Variants in DOCK3 observed in about 807,000 individuals in gnomAD.
The protein encoded by DOCK3 is dedicator of cytokinesis protein 3.
In DOCK3, 60 loss-of-function variants were observed where a neutral mutation model predicts 265.6. That is an observed-to-expected ratio of 0.23 (90% confidence interval 0.18 to 0.28). The LOEUF is 0.28. Among genes scored for constraint, DOCK3 ranks in the 10% least tolerant of loss-of-function variants. DOCK3 has a pLI of 1.00. For missense variants in DOCK3, 1,981 were observed against 2,594.3 expected, an observed-to-expected ratio of 0.76 and a Z score of 5.14; for synonymous variants, 881 against 938.0, an observed-to-expected ratio of 0.94 and a Z score of 1.11.
chr3:51,208,045 A>G (rs974340927), intron 12 of DOCK3, among the ~76,000 whole-genome samples: 5 of 152,218 alleles, frequency 3.3e-5, no homozygotes, highest in Admixed American at 3.3e-4. Flanking sequence ...GACCTTTAGA[A>G]GGAAGACACT....
At chr3:51,175,108 G>A (rs1047255139) in intron 12 of DOCK3, among the ~76,000 whole-genome samples, 8 of 152,188 alleles carry the variant, frequency 5.3e-5, no homozygotes, top group Admixed American at 5.2e-4. Flanking sequence ...CCAGACCTCA[G>A]CTGAGTCATG....
chr3:50,895,146 A>G, intron 4 of DOCK3, among the ~76,000 whole-genome samples: 1 of 151,520 alleles, frequency 6.6e-6, no homozygotes, highest in Admixed American at 6.6e-5. Context: ...TAAAAGAGTA[A>G]TCTTAGTTTT....
intron 1 of DOCK3, among the ~76,000 whole-genome samples, chr3:50,680,277 T>A (rs2034301091): frequency 6.6e-6 from 1 of 150,936 alleles, no homozygotes; most frequent in Admixed American, 6.6e-5. Flanking sequence ...AATGGGGTGA[T>A]CTCGGCTCAC....
chr3:51,140,692 A>G (rs1410702077), intron 9 of DOCK3, among the ~76,000 whole-genome samples: 3 of 152,150 alleles, frequency 2.0e-5, no homozygotes, highest in Non-Finnish European at 4.4e-5. Context: ...CCAAAGTGGC[A>G]GTACCATTTT....
intron 12 of DOCK3, among the ~76,000 whole-genome samples, chr3:51,175,911 A>G (rs970943936): frequency 2.6e-5 from 4 of 152,172 alleles, no homozygotes; most frequent in Non-Finnish European, 5.9e-5. Context: ...CAGGACCATT[A>G]TCTGCCATGT....
intron 10 of DOCK3, among the ~76,000 whole-genome samples, chr3:51,154,040 A>C (rs2085734670): frequency 6.6e-6 from 1 of 152,220 alleles, no homozygotes; most frequent in Non-Finnish European, 1.5e-5. Flanking sequence ...GATATCGCAA[A>C]GATTACATTG....
intron 5 of DOCK3, among the ~76,000 whole-genome samples, chr3:51,057,700 C>T (rs534937969): frequency 4.6e-5 from 7 of 152,262 alleles, no homozygotes; most frequent in Admixed American, 1.3e-4. Flanking sequence ...GAACACAGTG[C>T]GGTGTCGGAG....
At chr3:51,078,069 CAGAGAGAGAGAAAGAAACAG>C (rs933099896) in intron 7 of DOCK3, among the ~76,000 whole-genome samples, 3 of 5,166 alleles carry the variant, frequency 5.8e-4, no homozygotes, top group East Asian at 0.042. Flanking sequence ...AAGAGAGAGA[CAGAGAGAGAGAAAGAAACAG>C]AGAGAGAGAC....
chr3:50,822,326 A>G (rs939237559), intron 2 of DOCK3, among the ~76,000 whole-genome samples: 12 of 152,168 alleles, frequency 7.9e-5, no homozygotes, highest in Admixed American at 7.9e-4. Flanking sequence ...ATTGGTGTAT[A>G]GAAATGCTGT....
intron 5 of DOCK3, among the ~76,000 whole-genome samples, chr3:51,034,982 T>C (rs558027821): frequency 1.3e-5 from 2 of 152,214 alleles, no homozygotes; most frequent in South Asian, 4.1e-4. Flanking sequence ...ATTGTTTTCC[T>C]CTGACTTTTT....
chr3:51,199,002 C>T (rs2088511194), intron 12 of DOCK3, among the ~76,000 whole-genome samples: 1 of 152,020 alleles, frequency 6.6e-6, no homozygotes, highest in Non-Finnish European at 1.5e-5. Flanking sequence ...TGCACTCCAG[C>T]CTGGGCAACA....
intron 10 of DOCK3, among the ~76,000 whole-genome samples, chr3:51,153,189 A>C (rs2085692058): frequency 6.6e-6 from 1 of 152,026 alleles, no homozygotes; most frequent in African/African-American, 2.4e-5. Context: ...TTGTTTACCT[A>C]CTCAAGCCTC....
At chr3:51,017,512 C>G (rs1461494460) in intron 5 of DOCK3, among the ~76,000 whole-genome samples, 2 of 151,704 alleles carry the variant, frequency 1.3e-5, no homozygotes, top group Non-Finnish European at 2.9e-5. Flanking sequence ...AAATGTTCCT[C>G]TTAGTACTGC....
chr3:51,158,468 C>T (rs2085965152), intron 10 of DOCK3, among the ~76,000 whole-genome samples: 1 of 152,094 alleles, frequency 6.6e-6, no homozygotes, highest in Non-Finnish European at 1.5e-5. Flanking sequence ...ATCGCTTGAC[C>T]CAGAGGACAA....
chr3:50,893,422 C>T (rs567358764), intron 4 of DOCK3, among the ~76,000 whole-genome samples: 23 of 151,852 alleles, frequency 1.5e-4, no homozygotes, highest in Non-Finnish European at 2.6e-4. Context: ...GAGATAGAAA[C>T]CATAAGAAAG....
chr3:51,343,630 T>C (rs1014691221), intron 38 of DOCK3, among the ~76,000 whole-genome samples: 3 of 152,210 alleles, frequency 2.0e-5, no homozygotes, highest in Non-Finnish European at 4.4e-5. Context: ...GGAAAAGATG[T>C]AGATGGGGAT....
intron 21 of DOCK3, among the ~76,000 whole-genome samples, 174 bp from the exon 22 acceptor site, chr3:51,246,552 G>A (rs771164357): frequency 1.7e-4 from 26 of 152,208 alleles, no homozygotes; most frequent in Non-Finnish European, 2.9e-4. Flanking sequence ...TGGACAAAGA[G>A]TGTTGTTTGT....
intron 1 of DOCK3, among the ~76,000 whole-genome samples, chr3:50,742,784 C>G (rs957507042): frequency 3.3e-5 from 5 of 152,292 alleles, no homozygotes; most frequent in South Asian, 2.1e-4. Context: ...AGGATATTAT[C>G]TAGGAGAACT....
intron 5 of DOCK3, among the ~76,000 whole-genome samples, chr3:51,046,128 A>G (rs1336991170): frequency 2.0e-5 from 3 of 152,214 alleles, no homozygotes; most frequent in Non-Finnish European, 4.4e-5. Context: ...GAATGAAATT[A>G]TATCACTACA....
Sources: gnomAD v4.1 joint callset for allele counts (sites outside exome capture counted in the v4.1 genomes callset) on GRCh38, gnomAD v4.1.1 for gene constraint, MANE v1.5 for transcripts, NCBI Gene and HGNC (gene_info 2026-07-23, HGNC 2026-07-21) for gene names.